Variants in ARIH2 observed in about 807,000 individuals in gnomAD.
The protein encoded by ARIH2 is E3 ubiquitin-protein ligase ARIH2.
Under a neutral mutation model 79.8 loss-of-function variants are expected in ARIH2, and 12 were observed. The observed-to-expected ratio is 0.15, with a 90% CI of 0.10 to 0.24. The LOEUF is 0.24. ARIH2 is among the 10% of genes least tolerant of loss of function. The probability of loss-of-function intolerance (pLI) is 1.00; values close to 1 mark genes in which losing one functional copy is unlikely to be tolerated. For missense variants in ARIH2, 301 were observed against 618.3 expected, an observed-to-expected ratio of 0.49 and a Z score of 5.44; for synonymous variants, 224 against 213.9, an observed-to-expected ratio of 1.05 and a Z score of -0.41.
intron 3 of ARIH2, among the ~76,000 whole-genome samples, chr3:48,952,453 T>C (rs1226079313): frequency 2.0e-5 from 3 of 152,096 alleles, no homozygotes; most frequent in African/African-American, 4.8e-5. Flanking sequence ...TCTGCAAGAA[T>C]TGTGTTATTA....
intron 3 of ARIH2, among the ~76,000 whole-genome samples, chr3:48,933,004 T>A (rs927317858): frequency 1.3e-5 from 2 of 152,174 alleles, no homozygotes; most frequent in African/African-American, 4.8e-5. Flanking sequence ...AGGAATATTA[T>A]GATTGTAGCC....
At chr3:48,940,612 C>T (rs1184549446) in intron 3 of ARIH2, among the ~76,000 whole-genome samples, 5 of 151,654 alleles carry the variant, frequency 3.3e-5, no homozygotes, top group Non-Finnish European at 7.4e-5. Flanking sequence ...CATGGTGAAA[C>T]CCCATCTCTA....
intron 3 of ARIH2, among the ~76,000 whole-genome samples, chr3:48,939,757 C>CAAAAAAAA (rs1190260583): frequency 9.2e-5 from 4 of 43,480 alleles, no homozygotes; most frequent in Non-Finnish European, 2.0e-4. Context: ...GACTCCATCT[C>CAAAAAAAA]AAAAAAAAAA....
intron 3 of ARIH2, among the ~76,000 whole-genome samples, chr3:48,952,028 T>TA (rs2090022445): frequency 2.0e-5 from 3 of 152,200 alleles, no homozygotes; most frequent in Admixed American, 2.0e-4. Flanking sequence ...CGTCTTAGGT[T>TA]AGATCTTTAT....
intron 3 of ARIH2, among the ~76,000 whole-genome samples, chr3:48,948,476 T>C (rs1040770675): frequency 2.0e-5 from 3 of 151,704 alleles, no homozygotes; most frequent in Non-Finnish European, 2.9e-5. Context: ...TTAGTAGAGA[T>C]GGAGTTTCTC....
chr3:48,956,024 C>T (rs1426162815), intron 3 of ARIH2, among the ~76,000 whole-genome samples: 1 of 152,188 alleles, frequency 6.6e-6, no homozygotes, highest in Non-Finnish European at 1.5e-5. Context: ...TGCAGTGACA[C>T]TACATTTTCC....
chr3:48,923,111 G>A (rs1490607543), intron 2 of ARIH2, among the ~76,000 whole-genome samples: 2 of 151,624 alleles, frequency 1.3e-5, no homozygotes, highest in Non-Finnish European at 3.0e-5. Flanking sequence ...GGAGGCTGAG[G>A]CAGGAGAATG....
chr3:48,933,814 G>A (rs1006708911), intron 3 of ARIH2, among the ~76,000 whole-genome samples: 6 of 151,984 alleles, frequency 3.9e-5, no homozygotes, highest in African/African-American at 1.2e-4. Flanking sequence ...GCCTCCCAAC[G>A]TGCTGGGATT....
chr3:48,950,997 C>T (rs1232609801), intron 3 of ARIH2, among the ~76,000 whole-genome samples: 1 of 146,948 alleles, frequency 6.8e-6, no homozygotes, highest in African/African-American at 2.5e-5. Context: ...GTGTCTTGCC[C>T]TGTCACCCAG....
chr3:48,919,876 T>C (rs1404914541), intron 1 of ARIH2, among the ~76,000 whole-genome samples: 1 of 152,140 alleles, frequency 6.6e-6, no homozygotes, highest in Non-Finnish European at 1.5e-5. Context: ...GTAAACGTCT[T>C]CAGACTCACT....
chr3:48,924,995 A>C (rs1271318171), intron 2 of ARIH2: 2 of 151,608 alleles, frequency 1.3e-5, no homozygotes, highest in Admixed American at 1.3e-4. Flanking sequence ...CGCCCAGCCT[A>C]ATTTTTGTAT....
chr3:48,949,085 C>T, intron 3 of ARIH2: 1 of 455,446 alleles, frequency 2.2e-6, no homozygotes, highest in South Asian at 1.6e-5. Context: ...AGTGGGATTG[C>T]TGGGTCACAT....
chr3:48,979,359 C>A, intron 11 of ARIH2, 123 bp from the exon 12 acceptor site: 2 of 997,908 alleles, frequency 2.0e-6, no homozygotes, highest in Non-Finnish European at 2.9e-6. Flanking sequence ...AAAGAGGCAC[C>A]CTTGGGAAGT....
Position 48,979,704 on chromosome 3 carries a change from A to G in ARIH2, c.1113+71A>G. On this transcript the variant is annotated intron_variant, in intron 12 of 15. Coordinates refer to ENST00000356401, the MANE Select transcript of ARIH2 (RefSeq NM_006321.4). Reference sequence around the variant, plus strand: ...CACTTGGCCTGCTGGTGGGATTCCCAGGGACTGGTAGACAGAGCTAGCCTG... The same window carrying G: ...CACTTGGCCTGCTGGTGGGATTCCCGGGGACTGGTAGACAGAGCTAGCCTG... 6 of 1,549,952 alleles carry G rather than the reference A, an allele frequency of 3.9e-6. No homozygotes were observed. In the South Asian group the frequency reaches 5.9e-5, roughly 15 times the overall value.
chr3:48,949,275 G>A (rs1383867228), intron 3 of ARIH2, among the ~76,000 whole-genome samples: 1 of 152,072 alleles, frequency 6.6e-6, no homozygotes, highest in Non-Finnish European at 1.5e-5. Context: ...CCGCCGTGAC[G>A]CCCGGCTAGT....
chr3:48,976,750 G>A (rs1276511650), intron 11 of ARIH2, among the ~76,000 whole-genome samples: 3 of 152,144 alleles, frequency 2.0e-5, no homozygotes, highest in Non-Finnish European at 2.9e-5. Context: ...CACATTCCTA[G>A]TGCCTAAGAA....
rs549609639 is a variant in ARIH2, at chr3:48,973,254, C to T, written c.771-445C>T. ...GTCAAGAGATCAAGACTATCCTGGC[C>T]AACATGGTGAAACCCCATCTCTACT... On this transcript the variant is annotated intron_variant, in intron 8 of 15. Coordinates refer to ENST00000356401, the MANE Select transcript of ARIH2 (RefSeq NM_006321.4). 2.8e-3 allele frequency among the ~76,000 whole-genome samples: 433 copies of T among 151,968 alleles called. 4 individuals are homozygous for T. Among genetic ancestry groups the T allele is most frequent in the African/African-American group, 9.9e-3 (411 of 41,460 alleles).
intron 4 of ARIH2, among the ~76,000 whole-genome samples, chr3:48,964,418 C>T (rs954629740): frequency 4.6e-5 from 7 of 151,742 alleles, no homozygotes; most frequent in East Asian, 3.9e-4. Context: ...CGGGTTCGAA[C>T]GATTCTCTTG....
chr3:48,933,339 T>G (rs966886460), intron 3 of ARIH2, among the ~76,000 whole-genome samples: 2 of 148,932 alleles, frequency 1.3e-5, no homozygotes, highest in Non-Finnish European at 3.0e-5. Context: ...GTGTGTGTGT[T>G]TTTGGTAGAG....
Sources: gnomAD v4.1 joint callset for allele counts (sites outside exome capture counted in the v4.1 genomes callset) on GRCh38, gnomAD v4.1.1 for gene constraint, MANE v1.5 for transcripts, NCBI Gene and HGNC (gene_info 2026-07-23, HGNC 2026-07-21) for gene names.